Variants in TBCA observed in about 807,000 individuals in gnomAD.
TBCA encodes tubulin-specific chaperone A.
In TBCA, 6 loss-of-function variants were observed where a neutral mutation model predicts 15.8. The ratio of observed to expected loss-of-function variants is 0.38; its 90% confidence interval spans 0.21 to 0.75. The LOEUF is 0.75. Among genes scored for constraint, TBCA ranks in the 30% least tolerant of loss-of-function variants. The pLI is 0.46. For missense variants in TBCA, 90 were observed against 131.2 expected, an observed-to-expected ratio of 0.69 and a Z score of 1.53; for synonymous variants, 32 against 42.3, an observed-to-expected ratio of 0.76 and a Z score of 0.94.
chr5:77,761,200 G>A (rs2112507410), intron 1 of TBCA, among the ~76,000 whole-genome samples: 1 of 152,098 alleles, frequency 6.6e-6, no homozygotes, highest in Non-Finnish European at 1.5e-5. Flanking sequence ...AGAAAAGGGG[G>A]AAATGTGGGG....
At chr5:77,762,097 T>C (rs1214598786) in intron 1 of TBCA, among the ~76,000 whole-genome samples, 1 of 152,064 alleles carries the variant, frequency 6.6e-6, no homozygotes, top group African/African-American at 2.4e-5. Context: ...TATGTGCATG[T>C]GGGGAAGGAC....
At chr5:77,722,725 T>C (rs1486445843) in intron 1 of TBCA, among the ~76,000 whole-genome samples, 1 of 151,944 alleles carries the variant, frequency 6.6e-6, no homozygotes, top group Non-Finnish European at 1.5e-5. Flanking sequence ...AAAAGTAATA[T>C]GCAAAATTCT....
At chr5:77,760,499 T>C (rs1175159903) in intron 1 of TBCA, among the ~76,000 whole-genome samples, 1 of 152,174 alleles carries the variant, frequency 6.6e-6, no homozygotes, top group Non-Finnish European at 1.5e-5. Flanking sequence ...CTCGGCTCAC[T>C]GCAACCTCCC....
intron 1 of TBCA, among the ~76,000 whole-genome samples, chr5:77,713,936 C>T (rs755867380): frequency 2.0e-5 from 3 of 149,180 alleles, no homozygotes; most frequent in Non-Finnish European, 3.0e-5. Flanking sequence ...TTTCCCAAAG[C>T]TGGAAAAGAA....
At chr5:77,717,105 G>A (rs959530601) in intron 1 of TBCA, among the ~76,000 whole-genome samples, 8 of 152,130 alleles carry the variant, frequency 5.3e-5, no homozygotes, top group African/African-American at 1.9e-4. Flanking sequence ...TAAAAAGACA[G>A]GTCAATCTAG....
At chr5:77,772,668 T>C (rs1045126637) in intron 1 of TBCA, among the ~76,000 whole-genome samples, 1 of 152,092 alleles carries the variant, frequency 6.6e-6, no homozygotes, top group African/African-American at 2.4e-5. Flanking sequence ...TTTTCTTTAA[T>C]TGCATTTTAA....
intron 1 of TBCA, among the ~76,000 whole-genome samples, chr5:77,770,469 T>A (rs796413694): frequency 3.9e-5 from 6 of 152,146 alleles, no homozygotes; most frequent in African/African-American, 1.4e-4. Flanking sequence ...TCATTCCAGT[T>A]TGCCTGGGAC....
intron 1 of TBCA, among the ~76,000 whole-genome samples, chr5:77,770,866 TG>T (rs1365961271): frequency 2.0e-5 from 3 of 152,192 alleles, no homozygotes; most frequent in African/African-American, 7.2e-5. Context: ...CCAGGCATAG[TG>T]GCTCACGCCT....
intron 1 of TBCA, among the ~76,000 whole-genome samples, chr5:77,725,396 CTTGA>C (rs539007255): frequency 7.4e-4 from 112 of 152,246 alleles, no homozygotes; most frequent in South Asian, 1.2e-3. Context: ...ACCACTTTTG[CTTGA>C]TTGTTAGTGA....
At chr5:77,765,915 A>AT (rs1217337456) in intron 1 of TBCA, among the ~76,000 whole-genome samples, 12 of 151,870 alleles carry the variant, frequency 7.9e-5, no homozygotes, top group Admixed American at 1.3e-4. Flanking sequence ...ACTAAACTAC[A>AT]TATCCATTAA....
intron 1 of TBCA, among the ~76,000 whole-genome samples, chr5:77,774,896 A>C (rs1275162535): frequency 6.6e-6 from 1 of 152,108 alleles, no homozygotes; most frequent in Admixed American, 6.6e-5. Context: ...CAAAATCACT[A>C]AGCCAAAAAG....
intron 1 of TBCA, among the ~76,000 whole-genome samples, chr5:77,728,932 T>TC (rs1161615296): frequency 1.3e-5 from 2 of 152,174 alleles, no homozygotes; most frequent in East Asian, 3.9e-4. Flanking sequence ...ATAAGTGGAC[T>TC]CATGACTTAA....
intron 1 of TBCA, among the ~76,000 whole-genome samples, chr5:77,741,974 T>G (rs1323175819): frequency 1.3e-5 from 2 of 152,192 alleles, no homozygotes; most frequent in Non-Finnish European, 2.9e-5. Context: ...GCATGATCCT[T>G]GATTCTGGAG....
chr5:77,743,785 G>T (rs989150359), intron 1 of TBCA, among the ~76,000 whole-genome samples: 1 of 152,118 alleles, frequency 6.6e-6, no homozygotes, highest in African/African-American at 2.4e-5. Context: ...CCTCTTCTGG[G>T]AGTTTTCACA....
At chr5:77,721,287 T>C (rs1024831131) in intron 1 of TBCA, among the ~76,000 whole-genome samples, 2 of 152,182 alleles carry the variant, frequency 1.3e-5, no homozygotes, top group African/African-American at 4.8e-5. Flanking sequence ...AGAGAACTCA[T>C]GGCTTTCGGA....
At chr5:77,729,800 T>C (rs1156810109) in intron 1 of TBCA, among the ~76,000 whole-genome samples, 2 of 152,240 alleles carry the variant, frequency 1.3e-5, no homozygotes, top group South Asian at 2.1e-4. Flanking sequence ...TCTTCCTTCA[T>C]GTTAGTTAAT....
At chr5:77,735,036 T>C (rs1038204541) in intron 1 of TBCA, among the ~76,000 whole-genome samples, 3 of 152,206 alleles carry the variant, frequency 2.0e-5, no homozygotes, top group Admixed American at 1.3e-4. Flanking sequence ...ACACATAATA[T>C]ACTACAATAC....
intron 1 of TBCA, among the ~76,000 whole-genome samples, chr5:77,710,392 G>A (rs1746248087): frequency 6.6e-6 from 1 of 152,116 alleles, no homozygotes; most frequent in Non-Finnish European, 1.5e-5. Context: ...AATCATTAAT[G>A]CATATCACAA....
chr5:77,694,359 A>G (rs1471605110), intron 2 of TBCA: 30 of 152,214 alleles, frequency 2.0e-4, no homozygotes, highest in Admixed American at 2.0e-3. Flanking sequence ...TCCTGATGAC[A>G]GACACTACAG....
Sources: gnomAD v4.1 joint callset for allele counts (sites outside exome capture counted in the v4.1 genomes callset) on GRCh38, gnomAD v4.1.1 for gene constraint, MANE v1.5 for transcripts, NCBI Gene and HGNC (gene_info 2026-07-23, HGNC 2026-07-21) for gene names.